The following FBXL7 variants were observed in gnomAD, a reference collection of about 807,000 sequenced individuals.
The protein encoded by FBXL7 is F-box and leucine rich repeat protein 7.
FBXL7 carries 12 observed loss-of-function variants against 38.3 expected under a neutral mutation model. The observed-to-expected ratio is 0.31, with a 90% CI of 0.20 to 0.51. FBXL7 has a LOEUF of 0.51. Among genes scored for constraint, FBXL7 ranks in the 20% least tolerant of loss-of-function variants. The pLI is 0.98. For missense variants in FBXL7, 567 were observed against 676.4 expected (o/e 0.84, Z 1.79); for synonymous variants, 297 against 300.9 (o/e 0.99, Z 0.13).
At chr5:15,925,031 C>T (rs902506578) in intron 2 of FBXL7, among the ~76,000 whole-genome samples, 4 of 152,148 alleles carry the variant, frequency 2.6e-5, no homozygotes, top group Non-Finnish European at 4.4e-5. Flanking sequence ...AAGCAAGTCA[C>T]ATGGACAAGC....
chr5:15,689,267 G>GT (rs34173414), intron 2 of FBXL7, among the ~76,000 whole-genome samples: 79,422 of 142,560 alleles, frequency 0.56, 22,017 homozygotes, highest in East Asian at 0.73. Flanking sequence ...TTTATTTTCA[G>GT]TTTTTTTTTT....
At chr5:15,776,183 C>A (rs1317325388) in intron 2 of FBXL7, among the ~76,000 whole-genome samples, 1 of 151,912 alleles carries the variant, frequency 6.6e-6, no homozygotes, top group African/African-American at 2.4e-5. Flanking sequence ...AGGGTAGATG[C>A]CGGCCAACAT....
At chr5:15,922,861 AT>A (rs1741780983) in intron 2 of FBXL7, among the ~76,000 whole-genome samples, 2 of 152,306 alleles carry the variant, frequency 1.3e-5, no homozygotes, top group South Asian at 4.1e-4. Context: ...GCTAAACTGT[AT>A]TTTAGCCCAA....
chr5:15,821,990 C>T (rs372819508), intron 2 of FBXL7, among the ~76,000 whole-genome samples: 1 of 152,062 alleles, frequency 6.6e-6, no homozygotes, highest in Non-Finnish European at 1.5e-5. Context: ...TGTTTGCTGC[C>T]TCAGTAAAAA....
chr5:15,930,447 C>G (rs1742009574), intron 3 of FBXL7, among the ~76,000 whole-genome samples: 1 of 152,038 alleles, frequency 6.6e-6, no homozygotes, highest in Non-Finnish European at 1.5e-5. Context: ...AAGGTGCTTC[C>G]CATGCACTCT....
chr5:15,767,562 C>A (rs936421061), intron 2 of FBXL7, among the ~76,000 whole-genome samples: 7 of 151,918 alleles, frequency 4.6e-5, no homozygotes, highest in Non-Finnish European at 8.8e-5. Context: ...AAAGTGGAGA[C>A]AATAAAACCA....
At chr5:15,632,445 C>T (rs114848538) in intron 2 of FBXL7, among the ~76,000 whole-genome samples, 87 of 152,252 alleles carry the variant, frequency 5.7e-4, no homozygotes, top group African/African-American at 2.0e-3. Flanking sequence ...ACTAGTTCAT[C>T]CACTGTGGAA....
At chr5:15,552,005 G>A (rs1202321031) in intron 1 of FBXL7, among the ~76,000 whole-genome samples, 1 of 152,156 alleles carries the variant, frequency 6.6e-6, no homozygotes, top group African/African-American at 2.4e-5. Context: ...TTTTCCAAAG[G>A]GAAGAATGAT....
chr5:15,787,694 C>T (rs576445427), intron 2 of FBXL7, among the ~76,000 whole-genome samples: 1 of 152,186 alleles, frequency 6.6e-6, no homozygotes, highest in African/African-American at 2.4e-5. Context: ...AGATGGGTTC[C>T]TGAGGAATTA....
intron 2 of FBXL7, among the ~76,000 whole-genome samples, chr5:15,851,995 A>C (rs543016744): frequency 6.6e-6 from 1 of 152,146 alleles, no homozygotes; most frequent in African/African-American, 2.4e-5. Context: ...CAAACCTCCA[A>C]GCAGGAACAA....
At chr5:15,676,061 G>A (rs377168261) in intron 2 of FBXL7, among the ~76,000 whole-genome samples, 11 of 152,024 alleles carry the variant, frequency 7.2e-5, no homozygotes, top group South Asian at 2.1e-4. Context: ...CATCAGTCCC[G>A]CTTCCTGGAT....
chr5:15,696,298 C>T (rs1365863044), intron 2 of FBXL7, among the ~76,000 whole-genome samples: 1 of 152,130 alleles, frequency 6.6e-6, no homozygotes, highest in Non-Finnish European at 1.5e-5. Context: ...CATTGTCGTG[C>T]TTTAAAGTTG....
intron 2 of FBXL7, among the ~76,000 whole-genome samples, chr5:15,862,042 T>C (rs1739497807): frequency 1.3e-5 from 2 of 152,236 alleles, no homozygotes; most frequent in Admixed American, 1.3e-4. Flanking sequence ...TAACACTGAC[T>C]GTCTTTGAGA....
At chr5:15,709,248 T>C (rs910431153) in intron 2 of FBXL7, among the ~76,000 whole-genome samples, 1 of 152,090 alleles carries the variant, frequency 6.6e-6, no homozygotes, top group Non-Finnish European at 1.5e-5. Context: ...AAAATGCAAA[T>C]CCTGACAGCG....
intron 2 of FBXL7, among the ~76,000 whole-genome samples, chr5:15,715,862 T>C (rs1744028487): frequency 1.3e-5 from 2 of 152,224 alleles, no homozygotes; most frequent in Non-Finnish European, 2.9e-5. Context: ...GTTGGTTCTC[T>C]AGCCAGAAAC....
At chr5:15,673,209 G>C (rs908144339) in intron 2 of FBXL7, among the ~76,000 whole-genome samples, 1 of 151,976 alleles carries the variant, frequency 6.6e-6, no homozygotes, top group Non-Finnish European at 1.5e-5. Context: ...CCAGCTACTC[G>C]CGAGGCTGAG....
At chr5:15,906,476 T>C (rs1463215184) in intron 2 of FBXL7, among the ~76,000 whole-genome samples, 1 of 146,870 alleles carries the variant, frequency 6.8e-6, no homozygotes, top group Admixed American at 6.7e-5. Context: ...TATTTTACCA[T>C]AATTATTATT....
At chr5:15,844,767 A>C (rs1738846136) in intron 2 of FBXL7, among the ~76,000 whole-genome samples, 1 of 152,186 alleles carries the variant, frequency 6.6e-6, no homozygotes, top group African/African-American at 2.4e-5. Context: ...GAGGAAGCCA[A>C]GGCAGGTGTG....
intron 1 of FBXL7, among the ~76,000 whole-genome samples, chr5:15,554,374 G>T (rs192729511): frequency 2.0e-5 from 3 of 152,222 alleles, no homozygotes; most frequent in Non-Finnish European, 4.4e-5. Context: ...TAAAACTTGT[G>T]CTTCGATTTA....
Sources: gnomAD v4.1 joint callset for allele counts (sites outside exome capture counted in the v4.1 genomes callset) on GRCh38, gnomAD v4.1.1 for gene constraint, MANE v1.5 for transcripts, NCBI Gene and HGNC (gene_info 2026-07-23, HGNC 2026-07-21) for gene names.